Variants in HIBCH observed in about 807,000 individuals in gnomAD.
HIBCH encodes the protein 3-hydroxyisobutyryl-CoA hydrolase.
In HIBCH, 50 loss-of-function variants were observed where a neutral mutation model predicts 58.2. The observed-to-expected ratio is 0.86, with a 90% CI of 0.68 to 1.09. The LOEUF (loss-of-function observed/expected upper bound fraction) is 1.09. Ranked by LOEUF, HIBCH falls within the 50% of genes least tolerant of loss-of-function variation. The probability of loss-of-function intolerance (pLI) is 0.00; values close to 1 mark genes in which losing one functional copy is unlikely to be tolerated. For synonymous variants in HIBCH, 151 were observed against 146.9 expected, an observed-to-expected ratio of 1.03 and a Z score of -0.20; for missense variants, 450 against 449.7, an observed-to-expected ratio of 1.00 and a Z score of -0.01.
Position 190,230,356 on chromosome 2 carries a change from C to A in HIBCH, c.891+14531G>T, listed in dbSNP as rs577033799. Among the ~76,000 whole-genome samples the A allele has an allele frequency of 3.8e-3, 580 of 152,268 alleles. 2 individuals are homozygous for A. The highest frequency in any genetic ancestry group is 6.3e-3 in the Non-Finnish European group (427 of 68,022). On this transcript the variant is annotated intron_variant, in intron 11 of 13. Coordinates refer to ENST00000359678, the MANE Select transcript of HIBCH (RefSeq NM_014362.4). ...GTACCACAGACATCAAAAGATATTA[C>A]GAACAACATTTCCAATAAATCTGAC...
chr2:190,308,544 G>GACTGCCTC (rs1189673609), intron 2 of HIBCH, among the ~76,000 whole-genome samples: 3 of 152,132 alleles, frequency 2.0e-5, no homozygotes, highest in Non-Finnish European at 4.4e-5. Context: ...AGGTTTATAA[G>GACTGCCTC]AGGAAGAGGC....
At chr2:190,245,120 T>C (rs1686569062) in intron 10 of HIBCH, 152 bp from the exon 11 acceptor site, 5 of 664,114 alleles carry the variant, frequency 7.5e-6, no homozygotes, top group South Asian at 3.4e-5. Context: ...AAAGAGAGCA[T>C]TGCTTCCCTG....
In HIBCH at chr2:190,217,183, G is replaced by C. The variant is rs960016690; in HGVS notation, c.892-4108C>G. Among the ~76,000 whole-genome samples, 1 of 152,158 alleles carries C rather than the reference G, an allele frequency of 6.6e-6. No homozygotes were observed. The highest frequency in any genetic ancestry group is 2.4e-5 in the African/African-American group (1 of 41,446). ...CCCTTGCCTCCCCAAGTTCCTCCAG[G>C]GGTCAGTGGACCCTGGGGAAGTGCC... On this transcript the variant is annotated intron_variant, in intron 11 of 13. Transcript: ENST00000359678. This position sits in a 1 kb window ranked among gnomAD's most constrained non-coding sequence, Gnocchi z 4.6.
chr2:190,201,294 A>ACATACACACACACCTTT (rs1690234030), downstream of HIBCH: 1 of 166,856 alleles, frequency 6.0e-6, no homozygotes, highest in Non-Finnish European at 1.5e-5. Flanking sequence ...GTTTTAAAGG[A>ACATACACACACACCTTT]TTAAGTACTG....
chr2:190,285,979 T>C (rs1214057927), intron 6 of HIBCH, among the ~76,000 whole-genome samples: 6 of 152,086 alleles, frequency 3.9e-5, no homozygotes, highest in Admixed American at 3.9e-4. Context: ...GTCACTGAGA[T>C]TACTGGTGCA....
intron 6 of HIBCH, among the ~76,000 whole-genome samples, chr2:190,262,494 T>G (rs1687117347): frequency 6.6e-6 from 1 of 152,222 alleles, no homozygotes; most frequent in Admixed American, 6.5e-5. Flanking sequence ...AACGTAAGTC[T>G]TTGGGCCCCC....
At chr2:190,310,002 T>C (rs970910199) in intron 2 of HIBCH, among the ~76,000 whole-genome samples, 2 of 152,186 alleles carry the variant, frequency 1.3e-5, no homozygotes, top group Non-Finnish European at 2.9e-5. Flanking sequence ...GTGGGCACCA[T>C]CTAATCAGCT....
In HIBCH at chr2:190,281,603, A is replaced by G. The variant is rs765936087; in HGVS notation, c.438+5983T>C. On this transcript the variant is annotated intron_variant, in intron 6 of 13. Coordinates refer to ENST00000359678, the MANE Select transcript of HIBCH (RefSeq NM_014362.4). The surrounding 1 kb of genome is among the most constrained non-coding windows in gnomAD (Gnocchi z 5.4). ...TTAAGTATTACTCTCTTTAGCAAAAATTGCTGCGCCACACCTTGGTTTCCT... is the reference window on the plus strand; with the variant it reads ...TTAAGTATTACTCTCTTTAGCAAAAGTTGCTGCGCCACACCTTGGTTTCCT... Among the ~76,000 whole-genome samples the G allele has an allele frequency of 5.3e-5, 8 of 152,118 alleles. No individual in the cohort carries two copies. In the South Asian group the frequency reaches 1.5e-3, roughly 28 times the overall value.
chr2:190,258,203 G>GT (rs1374862276), intron 7 of HIBCH, among the ~76,000 whole-genome samples: 1 of 152,076 alleles, frequency 6.6e-6, no homozygotes, highest in Non-Finnish European at 1.5e-5. Context: ...TGCCAGCCAC[G>GT]TGAAGATGCA....
In HIBCH at chr2:190,282,335, C is replaced by T. The variant is rs115838806; in HGVS notation, c.438+5251G>A. On this transcript the variant is annotated intron_variant, in intron 6 of 13. Transcript: ENST00000359678. ...TGATGGTTCTACAAGCCAGAAAGTT[C>T]AAGATTGAGAGGCTGCATCTGGCAG... Among the ~76,000 whole-genome samples the T allele has an allele frequency of 6.8e-3, 1,028 of 152,280 alleles. 13 individuals carry two copies. The highest frequency in any genetic ancestry group is 0.022 in the African/African-American group (934 of 41,546).
intron 11 of HIBCH, among the ~76,000 whole-genome samples, chr2:190,220,680 C>A (rs994480832): frequency 6.6e-6 from 1 of 151,636 alleles, no homozygotes; most frequent in African/African-American, 2.4e-5. Flanking sequence ...ACAGGCCCCA[C>A]CCTTTCCGTA....
At chr2:190,249,783 C>T in intron 8 of HIBCH, 57 bp from the exon 9 acceptor site, 2 of 1,105,536 alleles carry the variant, frequency 1.8e-6, no homozygotes, top group Non-Finnish European at 2.7e-6. Context: ...ACATAGAAAG[C>T]TTTATAAAAA....
chr2:190,246,051 C>T, intron 10 of HIBCH, 103 bp downstream of exon 10: 1 of 692,350 alleles, frequency 1.4e-6, no homozygotes, highest in South Asian at 1.6e-5. Context: ...ATTCAGTGCA[C>T]TATCAAACAC....
intron 5 of HIBCH, among the ~76,000 whole-genome samples, chr2:190,287,978 A>G (rs1687873065): frequency 6.6e-6 from 1 of 151,994 alleles, no homozygotes; most frequent in East Asian, 1.9e-4. Context: ...GCAATACAGC[A>G]AAACTCCCTC....
chr2:190,261,505 C>T (rs1687087535), intron 6 of HIBCH, among the ~76,000 whole-genome samples: 1 of 152,092 alleles, frequency 6.6e-6, no homozygotes, highest in African/African-American at 2.4e-5. Flanking sequence ...TCCACAGAGA[C>T]ACATAGCTAT....
rs1231470190 is a variant in HIBCH at position 190,206,255 on chromosome 2, G to A, written c.1046-1023C>T. ...TTTTTAAGATTTAACTGCCTACTATGAGATTCTGGTATCAGATCAGTGGCG... is the reference window on the plus strand; with the variant it reads ...TTTTTAAGATTTAACTGCCTACTATAAGATTCTGGTATCAGATCAGTGGCG... On this transcript the variant is annotated intron_variant, in intron 13 of 13. Transcript: ENST00000359678. The surrounding 1 kb of genome is among the most constrained non-coding windows in gnomAD (Gnocchi z 5.1). Among the ~76,000 whole-genome samples, 1 of 152,150 alleles carries A rather than the reference G, an allele frequency of 6.6e-6. No individual in the cohort carries two copies. The highest frequency in any genetic ancestry group is 1.9e-4 in the East Asian group (1 of 5,196).
At chr2:190,253,539 G>A (rs541255882) in intron 7 of HIBCH, among the ~76,000 whole-genome samples, 1 of 152,192 alleles carries the variant, frequency 6.6e-6, no homozygotes, top group Admixed American at 6.5e-5. Flanking sequence ...AAGGGTGCAC[G>A]TATACAGCCT....
intron 7 of HIBCH, among the ~76,000 whole-genome samples, chr2:190,256,044 G>A (rs1686912682): frequency 6.6e-6 from 1 of 152,086 alleles, no homozygotes; most frequent in East Asian, 1.9e-4. Context: ...AAAGAGTGAG[G>A]AGCAAAGGGG....
intron 11 of HIBCH, among the ~76,000 whole-genome samples, chr2:190,240,250 T>G (rs781472421): frequency 5.3e-5 from 8 of 152,196 alleles, no homozygotes; most frequent in Non-Finnish European, 7.3e-5. Context: ...GTCCAGGAAT[T>G]TATCCATTTC....
Sources: gnomAD v4.1 joint callset for allele counts (sites outside exome capture counted in the v4.1 genomes callset) on GRCh38, gnomAD v4.1.1 for gene constraint, Gnocchi (gnomAD v3.1) non-coding constraint, MANE v1.5 for transcripts, NCBI Gene and HGNC (gene_info 2026-07-23, HGNC 2026-07-21) for gene names.